HEATR5B: variants seen among roughly 807,000 people sequenced by gnomAD.
The protein encoded by HEATR5B is HEAT repeat containing 5B.
A neutral mutation model predicts 224.1 loss-of-function variants in HEATR5B; 156 were observed. That is an observed-to-expected ratio of 0.70 (90% CI 0.61 to 0.80). The LOEUF (loss-of-function observed/expected upper bound fraction) is 0.80, where lower values mean the gene tolerates loss of function less well. Among genes scored for constraint, HEATR5B ranks in the 30% least tolerant of loss-of-function variants. The pLI, the probability that HEATR5B is intolerant of heterozygous loss-of-function variation, is 0.00. For missense variants in HEATR5B, 2,323 were observed against 2,535.5 expected (o/e 0.92, Z 1.80); for synonymous variants, 1,027 against 893.0 (o/e 1.15, Z -2.68).
chr2:37,030,171 C>T (rs1038502263), intron 22 of HEATR5B, among the ~76,000 whole-genome samples: 11 of 151,810 alleles, frequency 7.2e-5, no homozygotes, highest in African/African-American at 2.4e-4. Flanking sequence ...GTAAGACAGA[C>T]GAATGGAACT....
chr2:36,987,336 G>A (rs146393883), intron 35 of HEATR5B, among the ~76,000 whole-genome samples: 1 of 151,780 alleles, frequency 6.6e-6, no homozygotes, highest in African/African-American at 2.4e-5. Context: ...GGCTGAGGCA[G>A]GAGAATCACT....
In HEATR5B at chr2:36,988,670, C is replaced by T. The variant is rs1363118267; in HGVS notation, c.5887G>A (p.Val1963Ile). The part of the protein sequence containing the change: ...QEGIKVLETL[V>I]ALGEEQNRVQ... ...CTGTTTTGTTCTTCACCAAGAGCAACCAGTGTTTCAAGAACTTTTATTCCT... is the reference window on the plus strand; with the variant it reads ...CTGTTTTGTTCTTCACCAAGAGCAATCAGTGTTTCAAGAACTTTTATTCCT... Residue 1963 changes from valine (V) to isoleucine (I), a missense_variant, in exon 35 of 36, where the codon GTT becomes ATT. By Grantham distance (29) the Val-to-Ile change is conservative. Transcript: ENST00000233099. The T allele has an allele frequency of 3.1e-6, 5 of 1,613,784 alleles. No individual in the cohort carries two copies. The highest frequency in any genetic ancestry group is 2.2e-5 in the South Asian group (2 of 91,074).
rs183779800 is a variant in HEATR5B at position 37,041,717 on chromosome 2, C to T, written c.2697-425G>A. Reference sequence around the variant, plus strand: ...CTGTGATCACGCCACTGCACTCCAGCCTGGGTGATAGAGCAGGACCCTGTC... The same window carrying T: ...CTGTGATCACGCCACTGCACTCCAGTCTGGGTGATAGAGCAGGACCCTGTC... On this transcript the variant is annotated intron_variant, in intron 18 of 35. Transcript: ENST00000233099. 3.5e-4 allele frequency among the ~76,000 whole-genome samples: 53 copies of T among 151,878 alleles called. 1 individual carries two copies. The highest frequency in any genetic ancestry group is 1.0e-3 in the Admixed American group (16 of 15,256).
intron 16 of HEATR5B, among the ~76,000 whole-genome samples, chr2:37,055,278 GTTAT>G (rs138815251): frequency 0.035 from 5,245 of 151,876 alleles, 124 homozygotes; most frequent in Non-Finnish European, 0.053. Context: ...GAATATTTAT[GTTAT>G]TTATTATATG....
rs560760423 is a variant in HEATR5B at position 37,003,313 on chromosome 2, C to T, written c.5050+229G>A. Reference sequence around the variant, plus strand: ...ATTAGCTGGGCTTGGTGGAGTGTGCCTATAGTCTCAGCTACTCAGAAGGCT... The same window carrying T: ...ATTAGCTGGGCTTGGTGGAGTGTGCTTATAGTCTCAGCTACTCAGAAGGCT... On this transcript the variant is annotated intron_variant, in intron 31 of 35. Transcript: ENST00000233099. Among the ~76,000 whole-genome samples the T allele has an allele frequency of 1.1e-4, 16 of 149,020 alleles. No homozygotes were observed. The South Asian group carries it at 2.8e-3, about 26-fold the overall frequency.
intron 12 of HEATR5B, among the ~76,000 whole-genome samples, chr2:37,059,305 T>C (rs1046027511): frequency 2.0e-5 from 3 of 149,880 alleles, no homozygotes; most frequent in Non-Finnish European, 3.0e-5. Flanking sequence ...GCATTGTTTA[T>C]ACACATATAC....
At chr2:37,064,279 GTTTT>G (rs1168347754) in intron 10 of HEATR5B, among the ~76,000 whole-genome samples, 4 of 127,130 alleles carry the variant, frequency 3.1e-5, no homozygotes, top group Admixed American at 1.6e-4. Context: ...CTAAGGTTGG[GTTTT>G]TTTTTTTTTT....
Position 37,056,677 on chromosome 2 carries a change from T to C in HEATR5B, c.2224-62A>G, listed in dbSNP as rs749906453. The C allele has an allele frequency of 1.2e-5, 17 of 1,381,504 alleles. 1 individual carries two copies. The highest frequency in any genetic ancestry group is 1.7e-5 in the Non-Finnish European group (17 of 1,012,820). The allele number at this position is 1,381,504 out of a possible 1,614,324, so 85.6% of individuals were successfully genotyped here. A position where few individuals can be genotyped will look rare whatever the true frequency, so the allele number is the denominator to read the frequency against. On this transcript the variant is annotated intron_variant, in intron 15 of 35. Coordinates refer to ENST00000233099, the MANE Select transcript of HEATR5B (RefSeq NM_019024.3). ...CTTTAGGAAATCTACTTATTAAACA[T>C]TGGGAATGAGGATTACAGCAGAGGA...
intron 32 of HEATR5B, 47 bp downstream of exon 32, chr2:37,002,259 T>C: frequency 1.3e-6 from 2 of 1,593,862 alleles, no homozygotes; most frequent in Non-Finnish European, 1.7e-6. Flanking sequence ...AGCTCATCTT[T>C]GTCTACTGTA....
intron 31 of HEATR5B, 132 bp from the exon 32 acceptor site, chr2:37,002,704 A>T: frequency 2.3e-6 from 2 of 870,288 alleles, no homozygotes; most frequent in Non-Finnish European, 3.5e-6. Context: ...CCTTCTCTGT[A>T]TAATTCTCTG....
At chr2:36,995,087 G>GTTTTTTTTTTTTTTTTTTTTTTTTTT (rs775120824) in intron 33 of HEATR5B, among the ~76,000 whole-genome samples, 1 of 104,132 alleles carries the variant, frequency 9.6e-6, no homozygotes, top group Non-Finnish European at 1.9e-5. Context: ...GTTATTCCTT[G>GTTTTTTTTTTTTTTTTTTTTTTTTTT]TTTTTTTTTT....
chr2:37,009,630 A>G (rs1667662024), intron 27 of HEATR5B, among the ~76,000 whole-genome samples: 1 of 152,132 alleles, frequency 6.6e-6, no homozygotes, highest in Non-Finnish European at 1.5e-5. Flanking sequence ...GATAAACACA[A>G]AAGAATAATT....
At chr2:37,066,630 A>G (rs1671605851) in intron 8 of HEATR5B, among the ~76,000 whole-genome samples, 1 of 152,192 alleles carries the variant, frequency 6.6e-6, no homozygotes, top group Admixed American at 6.5e-5. Context: ...AGACAACCAA[A>G]GATCGCTTGC....
chr2:37,075,472 G>A lies in HEATR5B; in HGVS notation c.597+13C>T. 1 of 1,601,030 alleles carries A rather than the reference G, an allele frequency of 6.2e-7. No homozygotes were observed. Among genetic ancestry groups the A allele is most frequent in the Non-Finnish European group, 8.5e-7 (1 of 1,173,410 alleles). On this transcript the variant is annotated intron_variant, in intron 5 of 35. Coordinates refer to ENST00000233099, the MANE Select transcript of HEATR5B (RefSeq NM_019024.3). ...GGATAAAGAGCAGTATTCTAAATTG[G>A]TCGAGTACTAACCTTGGCCACTGCA...
chr2:37,029,024 A>G, intron 22 of HEATR5B, 104 bp from the exon 23 acceptor site: 1 of 1,110,904 alleles, frequency 9.0e-7, no homozygotes, highest in Non-Finnish European at 1.3e-6. Flanking sequence ...CACAACAGCC[A>G]CAAAACCAGC....
intron 29 of HEATR5B, 28 bp from the exon 30 acceptor site, chr2:37,005,787 T>G (rs1312613767): frequency 2.1e-5 from 32 of 1,531,242 alleles, no homozygotes; most frequent in Non-Finnish European, 2.8e-5. Context: ...AAAACATGTT[T>G]TTTCACTTAT....
chr2:36,984,897 G>A (rs940948648), intron 35 of HEATR5B, among the ~76,000 whole-genome samples: 3 of 152,208 alleles, frequency 2.0e-5, no homozygotes, highest in East Asian at 3.9e-4. Flanking sequence ...TAAGGTGCAA[G>A]TTTCTCTTGA....
At chr2:37,040,546 T>A (rs1306307692) in intron 19 of HEATR5B, 28 bp from the exon 20 acceptor site, 1 of 1,553,322 alleles carries the variant, frequency 6.4e-7, no homozygotes, top group African/African-American at 1.4e-5. Flanking sequence ...TTCATTTTAG[T>A]TGTAAGGAAG....
In HEATR5B at chr2:37,043,011, A is replaced by G. The variant is rs531287109; in HGVS notation, c.2697-1719T>C. 2.0e-5 allele frequency among the ~76,000 whole-genome samples: 3 copies of G among 152,254 alleles called. No homozygotes were observed. In the South Asian group the frequency reaches 6.2e-4, roughly 32 times the overall value. ...CTTATCTGTGCCCTAACTGAAGAGT[A>G]TTGATGATTAACAGCAGAAATAATA... On this transcript the variant is annotated intron_variant, in intron 18 of 35. Transcript: ENST00000233099.
Sources: gnomAD v4.1 joint callset for allele counts (sites outside exome capture counted in the v4.1 genomes callset) on GRCh38, gnomAD v4.1.1 for gene constraint, MANE v1.5 for transcripts, NCBI Gene and HGNC (gene_info 2026-07-23, HGNC 2026-07-21) for gene names.